Variants in PLA2R1 observed in about 807,000 individuals in gnomAD.
The protein encoded by PLA2R1 is phospholipase A2 receptor 1.
Under a neutral mutation model 195.9 loss-of-function variants are expected in PLA2R1, and 158 were observed. That is an observed-to-expected ratio of 0.81 (90% CI 0.71 to 0.92). The LOEUF (loss-of-function observed/expected upper bound fraction) is 0.92, where lower values mean the gene tolerates loss of function less well. PLA2R1 is among the 40% of genes least tolerant of loss of function. PLA2R1 has a pLI of 0.00. For missense variants in PLA2R1, 1,626 were observed against 1,764.6 expected (o/e 0.92, Z 1.41); for synonymous variants, 586 against 598.2 (o/e 0.98, Z 0.30).
chr2:160,003,923 G>A (rs1691784539), intron 11 of PLA2R1, among the ~76,000 whole-genome samples: 1 of 152,166 alleles, frequency 6.6e-6, no homozygotes, highest in South Asian at 2.1e-4. Flanking sequence ...AAATATTGAT[G>A]TGGAAAGTTC....
In PLA2R1 at chr2:160,042,205, G is replaced by T. The variant is rs776107842; in HGVS notation, c.494-7C>A. 3.1e-6 allele frequency: 5 copies of T among 1,609,730 alleles called. No individual in the cohort carries two copies. In the Admixed American group the frequency reaches 5.0e-5, roughly 16 times the overall value. ...CCTTTGATTGTATGCAAATCTAGGA[G>T]AAAGAAATGTACAAAGTCAGATAAG... On this transcript the variant is annotated splice_region_variant and splice_polypyrimidine_tract_variant and intron_variant, in intron 2 of 29. Transcript: ENST00000283243.
At chr2:159,944,196 A>G (rs917450954) in intron 28 of PLA2R1, among the ~76,000 whole-genome samples, 8 of 152,140 alleles carry the variant, frequency 5.3e-5, no homozygotes, top group Admixed American at 2.0e-4. Flanking sequence ...GCCTTTAATC[A>G]GGCTGGGCCT....
intron 9 of PLA2R1, among the ~76,000 whole-genome samples, chr2:160,016,355 GTACAGATGCTGTA>G (rs111705624): frequency 1.1e-3 from 166 of 151,930 alleles, no homozygotes; most frequent in African/African-American, 3.8e-3. Flanking sequence ...GATAGTCACT[GTACAGATGCTGTA>G]TCAGGACCAT....
chr2:159,954,123 G>A (rs530725399), intron 23 of PLA2R1, among the ~76,000 whole-genome samples: 16 of 152,276 alleles, frequency 1.1e-4, no homozygotes, highest in African/African-American at 3.8e-4. Context: ...GTGAGCCACC[G>A]TGCCTAGCAA....
chr2:159,985,191 T>C (rs1690240818), intron 12 of PLA2R1, among the ~76,000 whole-genome samples: 1 of 152,200 alleles, frequency 6.6e-6, no homozygotes, highest in South Asian at 2.1e-4. Flanking sequence ...AGTTTACTCA[T>C]CTCTAAGGTT....
intron 14 of PLA2R1, among the ~76,000 whole-genome samples, chr2:159,977,618 C>A (rs1055236355): frequency 6.6e-6 from 1 of 151,934 alleles, no homozygotes; most frequent in Non-Finnish European, 1.5e-5. Context: ...CTTAAAGATG[C>A]CTTTTTAAAA....
Position 160,062,514 on chromosome 2 carries a change from C to A in PLA2R1, c.-111G>T. The A allele has an allele frequency of 1.5e-6, 2 of 1,342,152 alleles. No individual in the cohort carries two copies. The highest frequency in any genetic ancestry group is 9.5e-7 in the Non-Finnish European group (1 of 1,057,714). The allele number at this position is 1,342,152 out of a possible 1,614,324, so 83.1% of individuals were successfully genotyped here. ...CCGCCGCGCGGAAGCGGATCCGTAGCCTCCTCCGCGCCCCACCCCCTCCGG... is the reference window on the plus strand; with the variant it reads ...CCGCCGCGCGGAAGCGGATCCGTAGACTCCTCCGCGCCCCACCCCCTCCGG... On this transcript the variant is annotated 5_prime_UTR_variant, in exon 1 of 30. Transcript: ENST00000283243.
intron 10 of PLA2R1, among the ~76,000 whole-genome samples, chr2:160,012,406 G>A (rs796420136): frequency 1.2e-4 from 19 of 152,152 alleles, no homozygotes; most frequent in Middle Eastern, 3.4e-3. Context: ...ATTATGCATC[G>A]GTACCATGGG....
Position 160,062,284 on chromosome 2 carries a change from G to T in PLA2R1, c.109+11C>A. 1 of 1,452,620 alleles carries T rather than the reference G, an allele frequency of 6.9e-7. No homozygotes were observed. The highest frequency in any genetic ancestry group is 2.9e-5 in the East Asian group (1 of 34,782). 90.0% of individuals were successfully genotyped at this position (1,452,620 alleles called of 1,614,324 possible). The stretch of plus-strand genomic sequence containing the variant: ...ACGTACCGATCCAGTCCCCGACCCT[G>T]GGAGACTCACCCTGCCACTCCAGGA... On this transcript the variant is annotated intron_variant, in intron 1 of 29. Transcript: ENST00000283243.
intron 11 of PLA2R1, among the ~76,000 whole-genome samples, chr2:159,991,206 G>A (rs964442606): frequency 6.6e-6 from 1 of 152,158 alleles, no homozygotes; most frequent in African/African-American, 2.4e-5. Context: ...TTTCTCTCCT[G>A]TGTGTGGCCA....
rs777500931 is a variant in PLA2R1, at chr2:159,956,565, ATGT to A, written c.2964_2966del (p.Gln988del). The A allele has an allele frequency of 1.3e-5, 21 of 1,613,946 alleles. No individual in the cohort carries two copies. The African/African-American group carries it at 2.7e-4, about 20-fold the overall frequency. On this transcript the variant is annotated inframe_deletion, in exon 21 of 30. Transcript: ENST00000283243. ...GGGTCCCCCCTTCTTCAGCACAGAA[ATGT>A]TGAGCATGCGTCCAGTTCTTCCAAC... is the stretch of plus-strand genomic sequence containing the variant.
chr2:160,045,243 C>T lies in PLA2R1; in HGVS notation c.110-86G>A, dbSNP rs73004792. On this transcript the variant is annotated intron_variant, in intron 1 of 29. Transcript: ENST00000283243. ...GGATCTCAGTGTGCATATCTAAGTG[C>T]GATATGCGACAGTTGCCAGCCATTT... The T allele has an allele frequency of 5.5e-4, 553 of 1,011,306 alleles. 6 individuals carry two copies. The African/African-American group carries it at 7.7e-3, about 14-fold the overall frequency. 62.6% of individuals were successfully genotyped at this position (1,011,306 alleles called of 1,614,324 possible).
downstream of PLA2R1, among the ~76,000 whole-genome samples, chr2:159,929,930 G>A (rs12997074): frequency 1.1e-3 from 165 of 151,500 alleles, 1 homozygote; most frequent in Non-Finnish European, 1.1e-3. Context: ...AATGGCATTC[G>A]CAGTGACCTG....
At chr2:159,999,352 T>TAAATGTCCCTTGTCATACAAA (rs1573860101) in intron 11 of PLA2R1, among the ~76,000 whole-genome samples, 1 of 11,394 alleles carries the variant, frequency 8.8e-5, no homozygotes, top group Non-Finnish European at 1.7e-4. Context: ...ACGTAATTTT[T>TAAATGTCCCTTGTCATACAAA]TTTTTTTTTT....
At chr2:160,043,998 G>A (rs1694706480) in intron 2 of PLA2R1, among the ~76,000 whole-genome samples, 1 of 152,162 alleles carries the variant, frequency 6.6e-6, no homozygotes, top group South Asian at 2.1e-4. Flanking sequence ...TGAATGTGGG[G>A]TGGATTTGTT....
At chr2:160,016,300 A>C (rs1458603075) in intron 9 of PLA2R1, among the ~76,000 whole-genome samples, 3 of 152,000 alleles carry the variant, frequency 2.0e-5, no homozygotes, top group Admixed American at 6.5e-5. Flanking sequence ...AAAAGAAAGA[A>C]AGACTAGGAA....
intron 20 of PLA2R1, among the ~76,000 whole-genome samples, chr2:159,957,960 C>G (rs1463834617): frequency 6.6e-6 from 1 of 152,300 alleles, no homozygotes; most frequent in South Asian, 2.1e-4. Context: ...ATTGATAGAT[C>G]AGATCCTAAG....
rs529145452 is a variant in PLA2R1 at position 159,940,698 on chromosome 2, A to C, written c.*1080T>G. On this transcript the variant is annotated 3_prime_UTR_variant, in exon 30 of 30. Coordinates refer to ENST00000283243, the MANE Select transcript of PLA2R1 (RefSeq NM_007366.5). The stretch of plus-strand genomic sequence containing the variant: ...TTTTTTATTTACAGACAGTATCATA[A>C]TCATTATTTACCATCTACACTAACT... 2.6e-5 allele frequency: 4 copies of C among 152,252 alleles called. No individual in the cohort carries two copies. Among genetic ancestry groups the C allele is most frequent in the Admixed American group, 2.6e-4 (4 of 15,292 alleles). 9.4% of individuals were successfully genotyped at this position (152,252 alleles called of 1,614,324 possible).
At chr2:160,046,728 G>A (rs1292275707) in intron 1 of PLA2R1, among the ~76,000 whole-genome samples, 1 of 152,114 alleles carries the variant, frequency 6.6e-6, no homozygotes, top group Non-Finnish European at 1.5e-5. Flanking sequence ...AAAGAGAGGG[G>A]GTGGGGTGGG....
Sources: allele counts gnomAD v4.1 joint callset (sites outside exome capture counted in the v4.1 genomes callset), GRCh38; gene constraint gnomAD v4.1.1; transcripts MANE v1.5; gene names NCBI Gene and HGNC (gene_info 2026-07-23, HGNC 2026-07-21).